Variants in UTRN observed in about 807,000 individuals in gnomAD.
UTRN encodes the protein dystrophin-related protein 1.
UTRN carries 283 observed loss-of-function variants against 463.9 expected under a neutral mutation model. The observed-to-expected ratio is 0.61, with a 90% CI of 0.55 to 0.67. UTRN has a LOEUF of 0.67. Ranked by LOEUF, UTRN falls within the 30% of genes least tolerant of loss-of-function variation. The probability of loss-of-function intolerance (pLI) is 0.00; values close to 1 mark genes in which losing one functional copy is unlikely to be tolerated. For missense variants in UTRN, 3,922 were observed against 4,084.3 expected (o/e 0.96, Z 1.08); for synonymous variants, 1,442 against 1,431.5 (o/e 1.01, Z -0.17).
chr6:144,532,974 G>A (rs1001847767), intron 42 of UTRN, 111 bp from the exon 43 acceptor site: 138 of 527,432 alleles, frequency 2.6e-4, no homozygotes, highest in Non-Finnish European at 1.9e-4. Context: ...TATCTTTCCA[G>A]GAGTTTGTTT....
intron 58 of UTRN, among the ~76,000 whole-genome samples, chr6:144,767,670 G>A (rs1389444589): frequency 6.6e-6 from 1 of 152,002 alleles, no homozygotes; most frequent in Non-Finnish European, 1.5e-5. Flanking sequence ...GGTACAAATC[G>A]AGCACTCAAA....
chr6:144,711,968 T>C (rs992904619), intron 53 of UTRN, among the ~76,000 whole-genome samples: 6 of 150,774 alleles, frequency 4.0e-5, no homozygotes, highest in Non-Finnish European at 7.4e-5. Flanking sequence ...ATTTAGGCTG[T>C]GTGTGTGTGT....
intron 51 of UTRN, among the ~76,000 whole-genome samples, chr6:144,584,972 A>G (rs779080682): frequency 4.0e-4 from 61 of 152,246 alleles, no homozygotes; most frequent in Middle Eastern, 3.4e-3. Context: ...AACTACCAGT[A>G]TGAATGTATA....
chr6:144,831,094 G>C (rs1023297611), intron 69 of UTRN, among the ~76,000 whole-genome samples: 2 of 152,142 alleles, frequency 1.3e-5, no homozygotes, highest in African/African-American at 4.8e-5. Flanking sequence ...AATCTTATAG[G>C]CTAGAAAGGA....
At chr6:144,689,588 G>A (rs1783109785) in intron 52 of UTRN, among the ~76,000 whole-genome samples, 1 of 152,190 alleles carries the variant, frequency 6.6e-6, no homozygotes. Flanking sequence ...AACCCATTTG[G>A]ACTGCCACAG....
intron 69 of UTRN, among the ~76,000 whole-genome samples, chr6:144,829,111 ATTGTT>A (rs1276528901): frequency 6.6e-6 from 1 of 152,156 alleles, no homozygotes; most frequent in Non-Finnish European, 1.5e-5. Context: ...CGAAAATCAG[ATTGTT>A]TTATTTAGGA....
At chr6:144,824,346 A>G (rs1779854263) in intron 66 of UTRN, among the ~76,000 whole-genome samples, 1 of 151,048 alleles carries the variant, frequency 6.6e-6, no homozygotes, top group Admixed American at 6.6e-5. Context: ...TCTAATGACA[A>G]TTTAAGGCAC....
chr6:144,527,880 A>G (rs1379536975), intron 41 of UTRN, among the ~76,000 whole-genome samples: 1 of 151,878 alleles, frequency 6.6e-6, no homozygotes, highest in Non-Finnish European at 1.5e-5. Flanking sequence ...TTTTTCCTTC[A>G]TATGCTGTGT....
intron 69 of UTRN, among the ~76,000 whole-genome samples, chr6:144,829,988 C>T (rs529760123): frequency 6.6e-6 from 1 of 152,004 alleles, no homozygotes; most frequent in Non-Finnish European, 1.5e-5. Flanking sequence ...CATATTTAAC[C>T]TACTGGTGTG....
At chr6:144,358,910 A>T (rs1362583729) in intron 2 of UTRN, among the ~76,000 whole-genome samples, 1 of 152,198 alleles carries the variant, frequency 6.6e-6, no homozygotes, top group Non-Finnish European at 1.5e-5. Context: ...ACTTAAAAAT[A>T]ATTGGAATTA....
chr6:144,634,511 A>T (rs1194581701), intron 51 of UTRN, among the ~76,000 whole-genome samples: 2 of 152,216 alleles, frequency 1.3e-5, no homozygotes, highest in African/African-American at 4.8e-5. Flanking sequence ...ATTAACGGAG[A>T]CAATAGAAGA....
At chr6:144,570,265 T>TAA (rs938590719) in intron 50 of UTRN, among the ~76,000 whole-genome samples, 2 of 151,618 alleles carry the variant, frequency 1.3e-5, no homozygotes, top group Non-Finnish European at 2.9e-5. Context: ...ATATTTAAGG[T>TAA]AAAAAAAAGT....
At chr6:144,433,012 A>C (rs1273444199) in intron 9 of UTRN, among the ~76,000 whole-genome samples, 1 of 152,216 alleles carries the variant, frequency 6.6e-6, no homozygotes, top group Non-Finnish European at 1.5e-5. Context: ...GCAAGGTCAC[A>C]GATCAACAGG....
intron 65 of UTRN, among the ~76,000 whole-genome samples, chr6:144,819,911 C>CTCTCTCT (rs1554406066): frequency 8.4e-6 from 1 of 118,610 alleles, no homozygotes; most frequent in Non-Finnish European, 1.7e-5. Context: ...TCCTCCTCCT[C>CTCTCTCT]CTCTCTCTCT....
At chr6:144,566,390 G>T (rs1275443907) in intron 50 of UTRN, among the ~76,000 whole-genome samples, 2 of 152,136 alleles carry the variant, frequency 1.3e-5, no homozygotes, top group African/African-American at 4.8e-5. Flanking sequence ...AGGAAAGGTA[G>T]CCCTGTTGAA....
chr6:144,723,795 A>G (rs1023850729), intron 53 of UTRN, among the ~76,000 whole-genome samples: 2 of 152,052 alleles, frequency 1.3e-5, no homozygotes, highest in Non-Finnish European at 2.9e-5. Context: ...CAAGCTCAGG[A>G]GTTCAAAACC....
chr6:144,449,839 C>T (rs910487702), intron 17 of UTRN, among the ~76,000 whole-genome samples: 1 of 152,300 alleles, frequency 6.6e-6, no homozygotes, highest in African/African-American at 2.4e-5. Context: ...CCCAGCCTCA[C>T]CCTTTGTTAG....
chr6:144,473,018 G>A (rs1790826701), intron 23 of UTRN, among the ~76,000 whole-genome samples: 1 of 151,958 alleles, frequency 6.6e-6, no homozygotes, highest in South Asian at 2.1e-4. Flanking sequence ...CCGTAGCCTG[G>A]GCCTCCTAAA....
At chr6:144,557,010 A>T in intron 49 of UTRN, 147 bp from the exon 50 acceptor site, 1 of 983,604 alleles carries the variant, frequency 1.0e-6, no homozygotes, top group Non-Finnish European at 1.4e-6. Context: ...AAGCTTACAT[A>T]TAACAAAAGG....
Sources: allele counts gnomAD v4.1 joint callset (sites outside exome capture counted in the v4.1 genomes callset), GRCh38; gene constraint gnomAD v4.1.1; transcripts MANE v1.5; gene names NCBI Gene and HGNC (gene_info 2026-07-23, HGNC 2026-07-21).